Variants in TTN observed in about 807,000 individuals in gnomAD.
The protein encoded by TTN is titin, also known as connectin.
Under a neutral mutation model 3,223.0 loss-of-function variants are expected in TTN, and 1,525 were observed. That is an observed-to-expected ratio of 0.47 (90% CI 0.45 to 0.49). The LOEUF (loss-of-function observed/expected upper bound fraction) is 0.49. TTN is among the 20% of genes least tolerant of loss of function. The pLI, the probability that TTN is intolerant of heterozygous loss-of-function variation, is 0.00. For missense variants in TTN, 40,786 were observed against 43,424.0 expected, an observed-to-expected ratio of 0.94 and a Z score of 5.40; for synonymous variants, 14,094 against 15,161.0, an observed-to-expected ratio of 0.93 and a Z score of 5.17.
intron 116 of TTN, 57 bp downstream of exon 116, chr2:178,694,772 T>C (rs913358792): frequency 1.3e-6 from 2 of 1,493,454 alleles, no homozygotes; most frequent in African/African-American, 1.4e-5. Flanking sequence ...AATGTGAGTA[T>C]AGATCAGTAA....
rs1407528482 is a variant in TTN at position 178,717,303 on chromosome 2, A to G, written c.25431T>C (p.Cys8477=). Residue 8477 remains cysteine, a synonymous_variant, in exon 88 of 363, where the codon TGT becomes TGC. Transcript: ENST00000589042. The part of the protein sequence containing the change: ...LALGESGTFK[C]HVTGTAPIKI... Reference sequence around the variant, plus strand: ...TGATTGGTGCAGTCCCAGTTACATGACATTTAAAAGTACCACTTTCTCCAA... The same window carrying G: ...TGATTGGTGCAGTCCCAGTTACATGGCATTTAAAAGTACCACTTTCTCCAA... 1 of 1,613,692 alleles carries G rather than the reference A, an allele frequency of 6.2e-7. No homozygotes were observed. Among genetic ancestry groups the G allele is most frequent in the Admixed American group, 1.7e-5 (1 of 60,008 alleles).
At position 178,652,101 on chromosome 2, in the gene TTN, G is replaced by C. The variant is rs924318627; in HGVS notation, c.39290C>G (p.Pro13097Arg). Residue 13097 changes from proline to arginine, a missense_variant, in exon 204 of 363, where the codon CCT becomes CGT. By Grantham distance (103) the Pro-to-Arg change is moderately radical. Coordinates refer to ENST00000589042, the MANE Select transcript of TTN (RefSeq NM_001267550.2). ...TTGAATAGTTTCATTATTACCTTCAGGGGGAGGACTTTCCGGTTTGGGAGG... is the reference window on the plus strand; with the variant it reads ...TTGAATAGTTTCATTATTACCTTCACGGGGAGGACTTTCCGGTTTGGGAGG... The part of the protein sequence containing the change: ...AIPPKPESPP[P>R]EVFEEPEEVA... 1.2e-5 allele frequency: 19 copies of C among 1,613,082 alleles called. No individual in the cohort carries two copies. The highest frequency in any genetic ancestry group is 1.7e-4 in the Middle Eastern group (1 of 5,760).
intron 119 of TTN, among the ~76,000 whole-genome samples, chr2:178,692,871 T>C (rs1402334960): frequency 6.6e-6 from 1 of 152,150 alleles, no homozygotes; most frequent in Non-Finnish European, 1.5e-5. Context: ...CATCGATAAC[T>C]ATGAAGTTAG....
rs555144437 is a variant in TTN at position 178,543,779 on chromosome 2, A to C, written c.96310+55T>G. The C allele has an allele frequency of 2.5e-6, 4 of 1,590,182 alleles. No homozygotes were observed. The African/African-American group carries it at 5.4e-5, about 21-fold the overall frequency. The stretch of plus-strand genomic sequence containing the variant: ...GAGGTGATCAATCATAGGTCAAGCT[A>C]TATTGTTTTAGAGGATCTACTCATT... On this transcript the variant is annotated intron_variant, in intron 346 of 362. Coordinates refer to ENST00000589042, the MANE Select transcript of TTN (RefSeq NM_001267550.2).
At chr2:178,730,012 T>C in intron 62 of TTN, 67 bp from the exon 63 acceptor site, 7 of 1,596,316 alleles carry the variant, frequency 4.4e-6, no homozygotes, top group Non-Finnish European at 6.0e-6. Flanking sequence ...AAAACTGCTG[T>C]CTTAAGCGTC....
At chr2:178,778,739 T>G in intron 24 of TTN, 135 bp downstream of exon 24, 1 of 1,243,298 alleles carries the variant, frequency 8.0e-7, no homozygotes, top group South Asian at 1.3e-5. Flanking sequence ...TTCTGGCAAT[T>G]GTTGGTGTTG....
In TTN at chr2:178,598,900, T is replaced by C; in HGVS notation, c.56810A>G (p.Asp18937Gly). 6.2e-7 allele frequency: 1 copy of C among 1,613,170 alleles called. No individual in the cohort carries two copies. Among genetic ancestry groups the C allele is most frequent in the Non-Finnish European group, 8.5e-7 (1 of 1,179,510 alleles). ...TSKRWKRVNR[D>G]PIKAMTLGVS... Reference sequence around the variant, plus strand: ...ACCCAAAGTCATGGCTTTGATAGGATCTCGGTTAACTCTCTTCCATCTCTT... The same window carrying C: ...ACCCAAAGTCATGGCTTTGATAGGACCTCGGTTAACTCTCTTCCATCTCTT... The change falls in exon 291 of 363, where the codon GAT becomes GGT. Residue 18937 changes from aspartate to glycine, a missense_variant. Coordinates refer to ENST00000589042, the MANE Select transcript of TTN (RefSeq NM_001267550.2).
In TTN at chr2:178,595,534, C is replaced by T. The variant is rs1410177303; in HGVS notation, c.57820G>A (p.Glu19274Lys). 2 of 1,562,134 alleles carry T rather than the reference C, an allele frequency of 1.3e-6. No individual in the cohort carries two copies. Among genetic ancestry groups the T allele is most frequent in the Non-Finnish European group, 1.7e-6 (2 of 1,152,162 alleles). Residue 19274 changes from glutamate (E) to lysine (K), a missense_variant, in exon 295 of 363, where the codon GAG (glutamate) becomes AAG (lysine). Physicochemically the swap from Glu to Lys is moderately conservative, Grantham distance 56. Coordinates refer to ENST00000589042, the MANE Select transcript of TTN (RefSeq NM_001267550.2). ...ATTGGCTCTCTGATAACAAGTGCCTCTGATGTCTCAACAAATGGACCCATG... is the reference window on the plus strand; with the variant it reads ...ATTGGCTCTCTGATAACAAGTGCCTTTGATGTCTCAACAAATGGACCCATG... ...IGMGPFVETS[E>K]ALVIREPITV...
At chr2:178,615,060 G>T (rs2154204023) in intron 259 of TTN, 92 bp from the exon 260 acceptor site, 6 of 1,137,734 alleles carry the variant, frequency 5.3e-6, no homozygotes, top group Non-Finnish European at 5.0e-6. Flanking sequence ...CAAACCCCTG[G>T]TATAATACTA....
chr2:178,680,306 G>A lies in TTN; in HGVS notation c.33366C>T (p.Val11122=), dbSNP rs878915517. ...AKVPMKPKRV[V]AEEKVPVPRK... ...TAGGGACAGGTACTTTTTCTTCTGC[G>A]ACAACCCTCTTGGGCTTCATGGGCA... The change falls in exon 139 of 363, where the codon GTC becomes GTT. Residue 11122 remains valine, a synonymous_variant. Coordinates refer to ENST00000589042, the MANE Select transcript of TTN (RefSeq NM_001267550.2). 13 of 1,611,480 alleles carry A rather than the reference G, an allele frequency of 8.1e-6. No homozygotes were observed. Among genetic ancestry groups the A allele is most frequent in the East Asian group, 4.5e-5 (2 of 44,856 alleles).
rs371137514 is a variant in TTN, at chr2:178,683,302, G to A, written c.32807-11C>T. The A allele has an allele frequency of 1.4e-6, 2 of 1,458,176 alleles. No homozygotes were observed. Among genetic ancestry groups the A allele is most frequent in the Non-Finnish European group, 1.9e-6 (2 of 1,080,152 alleles). The allele number at this position is 1,458,176 out of a possible 1,614,324, so 90.3% of individuals were successfully genotyped here. ...TTCTGAATTCAGTCACTTTAAAGGA[G>A]TAATTATTAAAAGTGAATTGCAAGA... On this transcript the variant is annotated splice_polypyrimidine_tract_variant and intron_variant, in intron 133 of 362. Coordinates refer to ENST00000589042, the MANE Select transcript of TTN (RefSeq NM_001267550.2).
At chr2:178,588,388 G>A in intron 304 of TTN, 150 bp downstream of exon 304, 2 of 1,151,458 alleles carry the variant, frequency 1.7e-6, no homozygotes, top group Non-Finnish European at 2.4e-6. Context: ...TACCTTTTAG[G>A]TATTTTGGTA....
At position 178,757,881 on chromosome 2, in the gene TTN, G is replaced by A. The variant is rs1424073989; in HGVS notation, c.10339C>T (p.Gln3447Ter). Reference sequence around the variant, plus strand: ...GAAACTGATAAAGAGACATGCCATTGGGAGTTTGATGTATTTTCTTCAAAT... The same window carrying A: ...GAAACTGATAAAGAGACATGCCATTAGGAGTTTGATGTATTTTCTTCAAAT... ...SKFEENTSNS[Q>*]WHVSLSVSFK... The change falls in exon 45 of 363, where the codon CAA (glutamine) becomes TAA (stop). Residue 3447 changes from glutamine to a stop codon, truncating the protein, a stop_gained. Coordinates refer to ENST00000589042, the MANE Select transcript of TTN (RefSeq NM_001267550.2). LOFTEE classifies it high-confidence loss of function. 6.5e-7 allele frequency: 1 copy of A among 1,532,250 alleles called. No individual in the cohort carries two copies. The highest frequency in any genetic ancestry group is 2.2e-5 in the Admixed American group (1 of 46,166). 94.9% of individuals were successfully genotyped at this position (1,532,250 alleles called of 1,614,324 possible).
At chr2:178,583,945 A>C in intron 311 of TTN, 39 bp from the exon 312 acceptor site, 1 of 1,467,484 alleles carries the variant, frequency 6.8e-7, no homozygotes, top group Non-Finnish European at 9.0e-7. Flanking sequence ...TTATCTTACC[A>C]GCAGAAGTTT....
rs2079625925 is a variant in TTN, at chr2:178,727,846, C to G, written c.19732G>C (p.Val6578Leu). 1 of 1,591,082 alleles carries G rather than the reference C, an allele frequency of 6.3e-7. No homozygotes were observed. Residue 6578 changes from valine (V) to leucine (L), a missense_variant, in exon 68 of 363, where the codon GTG becomes CTG. By Grantham distance (32) the Val-to-Leu change is conservative. Coordinates refer to ENST00000589042, the MANE Select transcript of TTN (RefSeq NM_001267550.2). ...ATGGCTTGCTGTCGCCCAGGTTTCA[C>G]TAGGAAGCTTGGTGGTTCTATAGAT... ...LTVKEPPSFL[V>L]KPGRQQAIPD...
intron 47 of TTN, chr2:178,748,218 T>C (rs549404410): frequency 2.5e-6 from 4 of 1,613,080 alleles, no homozygotes; most frequent in African/African-American, 1.3e-5. Flanking sequence ...TCACTATAGA[T>C]TTCTTCAGAA....
At chr2:178,757,017 C>A (rs554867235) in intron 45 of TTN, among the ~76,000 whole-genome samples, 1 of 152,054 alleles carries the variant, frequency 6.6e-6, no homozygotes, top group Non-Finnish European at 1.5e-5. Flanking sequence ...AAGACTCATG[C>A]AGATGCCATG....
intron 77 of TTN, 60 bp from the exon 78 acceptor site, chr2:178,722,194 T>C (rs2078499046): frequency 1.3e-6 from 2 of 1,529,952 alleles, no homozygotes; most frequent in African/African-American, 1.4e-5. Context: ...CATTGGTCGT[T>C]TCTACTTTGA....
At position 178,704,763 on chromosome 2, in the gene TTN, G is replaced by GATC; in HGVS notation, c.29706_29708dup (p.Leu9902_Ile9903insMet). 4 of 1,609,858 alleles carry GATC rather than the reference G, an allele frequency of 2.5e-6. No individual in the cohort carries two copies. The highest frequency in any genetic ancestry group is 2.5e-6 in the Non-Finnish European group (3 of 1,179,112). On this transcript the variant is annotated inframe_insertion, in exon 105 of 363. Transcript: ENST00000589042. ...AAACTGTCTGATTTTCAATGTCCTT[G>GATC]ATCAGAGTGACAGGCTAGGAGAATA...
Sources: gnomAD v4.1 joint callset for allele counts (sites outside exome capture counted in the v4.1 genomes callset) on GRCh38, gnomAD v4.1.1 for gene constraint, MANE v1.5 for transcripts, NCBI Gene and HGNC (gene_info 2026-07-23, HGNC 2026-07-21) for gene names.